The following KMT2C variants were observed in gnomAD, a reference collection of about 807,000 sequenced individuals.
KMT2C encodes the protein lysine methyltransferase 2C.
In KMT2C, 88 loss-of-function variants were observed where a neutral mutation model predicts 507.9. The observed-to-expected ratio is 0.17, with a 90% CI of 0.15 to 0.21. The LOEUF (loss-of-function observed/expected upper bound fraction) is 0.21. Among genes scored for constraint, KMT2C ranks in the 10% least tolerant of loss-of-function variants. KMT2C has a pLI of 1.00. For missense variants in KMT2C, 4,954 were observed against 5,957.8 expected, an observed-to-expected ratio of 0.83 and a Z score of 5.55; for synonymous variants, 2,049 against 2,080.8, an observed-to-expected ratio of 0.98 and a Z score of 0.42.
At chr7:152,342,346 CAT>C (rs1460424207) in intron 2 of KMT2C, among the ~76,000 whole-genome samples, 3 of 152,034 alleles carry the variant, frequency 2.0e-5, no homozygotes, top group African/African-American at 7.2e-5. Flanking sequence ...ATTTATGAGA[CAT>C]ATTTATAATA....
chr7:152,287,779 T>G (rs1368761199), intron 6 of KMT2C, among the ~76,000 whole-genome samples: 1 of 152,028 alleles, frequency 6.6e-6, no homozygotes, highest in Admixed American at 6.6e-5. Context: ...ATCCCAGCAC[T>G]TTGGGAGGCA....
chr7:152,372,706 C>A (rs1321744514), intron 1 of KMT2C, among the ~76,000 whole-genome samples: 2 of 152,002 alleles, frequency 1.3e-5, no homozygotes, highest in African/African-American at 4.8e-5. Flanking sequence ...ATTTGGAGCA[C>A]CTAAATATAT....
At chr7:152,262,921 G>A in intron 9 of KMT2C, 95 bp downstream of exon 9, 1 of 808,160 alleles carries the variant, frequency 1.2e-6, no homozygotes, top group Non-Finnish European at 2.0e-6. Context: ...AAAGCTGATG[G>A]TGATGATGTA....
intron 6 of KMT2C, among the ~76,000 whole-genome samples, chr7:152,275,015 G>A (rs1323300498): frequency 6.6e-6 from 1 of 152,112 alleles, no homozygotes; most frequent in Non-Finnish European, 1.5e-5. Flanking sequence ...CAGACAGTTG[G>A]ACCCTGCTAA....
intron 2 of KMT2C, 25 bp downstream of exon 2, chr7:152,358,562 C>A (rs2129231348): frequency 7.2e-7 from 1 of 1,392,794 alleles, no homozygotes; most frequent in Non-Finnish European, 1.0e-6. Context: ...ATTATACATT[C>A]TTATAAATTC....
intron 51 of KMT2C, 80 bp downstream of exon 51, chr7:152,150,820 T>C (rs1045536646): frequency 1.0e-6 from 1 of 976,892 alleles, no homozygotes; most frequent in Non-Finnish European, 1.6e-6. Flanking sequence ...CAGGGACACA[T>C]CTTTATTCAC....
chr7:152,374,455 A>T (rs1312440025), intron 1 of KMT2C, among the ~76,000 whole-genome samples: 1 of 152,208 alleles, frequency 6.6e-6, no homozygotes, highest in African/African-American at 2.4e-5. Flanking sequence ...TGAAAGAGTG[A>T]AAGTCTCTGA....
intron 1 of KMT2C, chr7:152,368,447 A>C: frequency 8.4e-7 from 1 of 1,191,894 alleles, no homozygotes; most frequent in Admixed American, 2.0e-5. Context: ...ATGAAGGTCA[A>C]ATAAAAAGTT....
chr7:152,207,108 A>G (rs2094329607), intron 24 of KMT2C, among the ~76,000 whole-genome samples, 192 bp downstream of exon 24: 1 of 152,214 alleles, frequency 6.6e-6, no homozygotes, highest in Non-Finnish European at 1.5e-5. Context: ...GTATTCACAC[A>G]TTCAAAATAA....
At chr7:152,352,215 T>G (rs1449210798) in intron 2 of KMT2C, among the ~76,000 whole-genome samples, 1 of 152,192 alleles carries the variant, frequency 6.6e-6, no homozygotes, top group African/African-American at 2.4e-5. Flanking sequence ...CCCGTAGCGC[T>G]CCCAGGCTTA....
chr7:152,349,437 T>C (rs953573487), intron 2 of KMT2C, among the ~76,000 whole-genome samples: 1 of 150,544 alleles, frequency 6.6e-6, no homozygotes, highest in Non-Finnish European at 1.5e-5. Flanking sequence ...AGAGCAAGAC[T>C]CCATAAAGAA....
At chr7:152,429,068 A>G (rs779712345) in intron 1 of KMT2C, among the ~76,000 whole-genome samples, 29 of 151,438 alleles carry the variant, frequency 1.9e-4, no homozygotes, top group Non-Finnish European at 4.1e-4. Flanking sequence ...TCCCTCACAC[A>G]CTCATTTTCT....
chr7:152,223,579 T>A (rs1471798065), intron 20 of KMT2C, among the ~76,000 whole-genome samples: 2 of 151,894 alleles, frequency 1.3e-5, no homozygotes, highest in South Asian at 2.1e-4. Flanking sequence ...GGTCAAAAGA[T>A]GGTCAAAAGA....
intron 1 of KMT2C, among the ~76,000 whole-genome samples, chr7:152,434,485 T>A (rs2116812828): frequency 6.6e-6 from 1 of 152,268 alleles, no homozygotes; most frequent in Admixed American, 6.5e-5. Flanking sequence ...ATACTATTAC[T>A]AAGTGAATGC....
chr7:152,207,538 A>T, intron 23 of KMT2C, 110 bp from the exon 24 acceptor site: 1 of 906,636 alleles, frequency 1.1e-6, no homozygotes, highest in Non-Finnish European at 1.7e-6. Flanking sequence ...TTAATTGTAC[A>T]TCCCTGTTGG....
At chr7:152,349,610 A>G (rs1039951505) in intron 2 of KMT2C, among the ~76,000 whole-genome samples, 2 of 152,148 alleles carry the variant, frequency 1.3e-5, no homozygotes, top group African/African-American at 4.8e-5. Context: ...TAAAAAGAAT[A>G]GTGGTTGCCA....
chr7:152,204,882 A>C (rs1483896273), intron 25 of KMT2C, among the ~76,000 whole-genome samples: 1 of 152,094 alleles, frequency 6.6e-6, no homozygotes, highest in Non-Finnish European at 1.5e-5. Context: ...ATTGGATTTA[A>C]ACCATTTCCT....
At chr7:152,350,937 T>C (rs1167333862) in intron 2 of KMT2C, among the ~76,000 whole-genome samples, 1 of 152,208 alleles carries the variant, frequency 6.6e-6, no homozygotes, top group African/African-American at 2.4e-5. Context: ...TGTAAGTTTT[T>C]TGGTTTTAGG....
intron 37 of KMT2C, among the ~76,000 whole-genome samples, chr7:152,179,180 G>C (rs1268398524): frequency 6.6e-6 from 1 of 152,198 alleles, no homozygotes; most frequent in Non-Finnish European, 1.5e-5. Flanking sequence ...ATTTTTACTA[G>C]AGGCAGGGTT....
Sources: allele counts gnomAD v4.1 joint callset (sites outside exome capture counted in the v4.1 genomes callset), GRCh38; gene constraint gnomAD v4.1.1; transcripts MANE v1.5; gene names NCBI Gene and HGNC (gene_info 2026-07-23, HGNC 2026-07-21).